The following BBS9 variants were observed in gnomAD, a reference collection of about 807,000 sequenced individuals.
The protein encoded by BBS9 is protein PTHB1.
In BBS9, 89 loss-of-function variants were observed where a neutral mutation model predicts 117.7. The observed-to-expected ratio is 0.76, with a 90% confidence interval of 0.64 to 0.90. The LOEUF is 0.90. Ranked by LOEUF, BBS9 falls within the 40% of genes least tolerant of loss-of-function variation. BBS9 has a pLI of 0.00. For synonymous variants in BBS9, 379 were observed against 370.9 expected, an observed-to-expected ratio of 1.02 and a Z score of -0.25; for missense variants, 982 against 1,042.2, an observed-to-expected ratio of 0.94 and a Z score of 0.80.
At chr7:33,525,464 A>C (rs1338502803) in intron 20 of BBS9, among the ~76,000 whole-genome samples, 1 of 93,360 alleles carries the variant, frequency 1.1e-5, no homozygotes, top group Non-Finnish European at 2.0e-5. Flanking sequence ...TAGGATAGTT[A>C]GCTCTTCTTG....
chr7:33,447,899 C>T (rs1415534033), intron 19 of BBS9, among the ~76,000 whole-genome samples: 1 of 152,196 alleles, frequency 6.6e-6, no homozygotes, highest in East Asian at 1.9e-4. Context: ...TATCTAATTT[C>T]ATTACTAGCA....
At chr7:33,304,457 G>A (rs911928901) in intron 9 of BBS9, among the ~76,000 whole-genome samples, 9 of 147,380 alleles carry the variant, frequency 6.1e-5, no homozygotes, top group South Asian at 4.4e-4. Flanking sequence ...GCCTCTGCCC[G>A]GCCGCAACCC....
At chr7:33,230,969 C>A (rs2128256226) in intron 5 of BBS9, among the ~76,000 whole-genome samples, 1 of 152,140 alleles carries the variant, frequency 6.6e-6, no homozygotes, top group East Asian at 1.9e-4. Flanking sequence ...TATGGTATAT[C>A]TGCTTTTAGT....
chr7:33,140,437 C>T (rs941333465), intron 1 of BBS9, among the ~76,000 whole-genome samples: 29 of 152,240 alleles, frequency 1.9e-4, no homozygotes, highest in South Asian at 2.1e-4. Flanking sequence ...TGCTTTTCAT[C>T]CTTTTATCGT....
chr7:33,289,293 G>A (rs890200209), intron 9 of BBS9, among the ~76,000 whole-genome samples: 1 of 152,140 alleles, frequency 6.6e-6, no homozygotes, highest in Non-Finnish European at 1.5e-5. Flanking sequence ...GAAAGTCTCA[G>A]ACATTCTGAA....
intron 21 of BBS9, among the ~76,000 whole-genome samples, chr7:33,571,130 C>T (rs569533000): frequency 6.6e-6 from 1 of 152,214 alleles, no homozygotes; most frequent in South Asian, 2.1e-4. Flanking sequence ...TATATGGAAA[C>T]TCATTGTACT....
chr7:33,219,944 C>T (rs550465925), intron 5 of BBS9, among the ~76,000 whole-genome samples: 2 of 152,308 alleles, frequency 1.3e-5, no homozygotes, highest in African/African-American at 4.8e-5. Flanking sequence ...TCTGCAGCTT[C>T]ACTCCTGAGC....
At chr7:33,458,691 C>T (rs1156250235) in intron 19 of BBS9, among the ~76,000 whole-genome samples, 2 of 152,114 alleles carry the variant, frequency 1.3e-5, no homozygotes, top group South Asian at 2.1e-4. Flanking sequence ...TGTTTGTAAA[C>T]AGGTGTTTGC....
intron 21 of BBS9, among the ~76,000 whole-genome samples, chr7:33,586,405 G>A (rs999199492): frequency 6.6e-6 from 1 of 151,924 alleles, no homozygotes; most frequent in African/African-American, 2.4e-5. Flanking sequence ...ACAGATCTGG[G>A]TGAGGCCACA....
chr7:33,488,140 C>T (rs1001172728), intron 19 of BBS9, among the ~76,000 whole-genome samples: 1 of 152,164 alleles, frequency 6.6e-6, no homozygotes, highest in Non-Finnish European at 1.5e-5. Flanking sequence ...CATGCTTCCT[C>T]ATATTAATTT....
intron 20 of BBS9, among the ~76,000 whole-genome samples, chr7:33,515,504 G>A (rs1052969529): frequency 2.0e-5 from 3 of 151,950 alleles, no homozygotes; most frequent in Non-Finnish European, 4.4e-5. Flanking sequence ...TTTCCTTTTC[G>A]ACTAAACTCA....
chr7:33,206,189 C>T (rs572816220), intron 5 of BBS9, among the ~76,000 whole-genome samples: 21 of 152,120 alleles, frequency 1.4e-4, no homozygotes, highest in Non-Finnish European at 2.9e-4. Context: ...AATGACCCAG[C>T]AGGAAATAGA....
intron 2 of BBS9, among the ~76,000 whole-genome samples, chr7:33,151,527 T>G (rs1320957061): frequency 6.6e-6 from 1 of 151,810 alleles, no homozygotes; most frequent in Non-Finnish European, 1.5e-5. Flanking sequence ...CCCAGGATTA[T>G]ACCTCTCTCA....
At chr7:33,334,417 A>C (rs1473840462) in intron 9 of BBS9, among the ~76,000 whole-genome samples, 1 of 152,168 alleles carries the variant, frequency 6.6e-6, no homozygotes, top group Non-Finnish European at 1.5e-5. Flanking sequence ...TCTGCGCTTT[A>C]GCACCCTAGA....
intron 9 of BBS9, among the ~76,000 whole-genome samples, chr7:33,280,905 GTTTTTGTTT>G (rs970253162): frequency 2.1e-4 from 10 of 48,770 alleles, no homozygotes; most frequent in East Asian, 1.5e-3. Context: ...TTAATTTGTC[GTTTTTGTTT>G]TTTTTTTTTT....
At chr7:33,418,673 A>G (rs769319620) in intron 19 of BBS9, among the ~76,000 whole-genome samples, 2 of 152,140 alleles carry the variant, frequency 1.3e-5, no homozygotes, top group Non-Finnish European at 2.9e-5. Flanking sequence ...GCTGGGTTTG[A>G]AAGCATCTTG....
At chr7:33,402,786 C>T (rs1465803536) in intron 19 of BBS9, among the ~76,000 whole-genome samples, 1 of 152,048 alleles carries the variant, frequency 6.6e-6, no homozygotes, top group East Asian at 1.9e-4. Context: ...ATGAATGAAC[C>T]TGTCACCCAG....
At chr7:33,512,806 C>G (rs955241586) in intron 20 of BBS9, among the ~76,000 whole-genome samples, 2 of 152,226 alleles carry the variant, frequency 1.3e-5, no homozygotes, top group Admixed American at 1.3e-4. Context: ...CCTGAATCTC[C>G]GTGTTCAGTT....
intron 19 of BBS9, among the ~76,000 whole-genome samples, chr7:33,409,618 C>T (rs1469879084): frequency 6.6e-6 from 1 of 152,006 alleles, no homozygotes; most frequent in Non-Finnish European, 1.5e-5. Flanking sequence ...TTTTATTTTT[C>T]CTACCAGCAG....
Sources: gnomAD v4.1 joint callset for allele counts (sites outside exome capture counted in the v4.1 genomes callset) on GRCh38, gnomAD v4.1.1 for gene constraint, MANE v1.5 for transcripts, NCBI Gene and HGNC (gene_info 2026-07-23, HGNC 2026-07-21) for gene names.